The following IFTAP variants were observed in gnomAD, a reference collection of about 807,000 sequenced individuals.
The protein encoded by IFTAP is intraflagellar transport-associated protein.
A neutral mutation model predicts 19.4 loss-of-function variants in IFTAP; 19 were observed. The ratio of observed to expected loss-of-function variants is 0.98; its 90% CI spans 0.68 to 1.44. IFTAP has a LOEUF of 1.44. IFTAP is among the 40% of genes most tolerant of loss of function. IFTAP has a pLI of 0.00. For synonymous variants in IFTAP, 85 were observed against 83.5 expected (o/e 1.02, Z -0.10); for missense variants, 240 against 253.6 (o/e 0.95, Z 0.36).
At chr11:36,628,179 G>A (rs1022366977) in intron 2 of IFTAP, among the ~76,000 whole-genome samples, 1 of 150,834 alleles carries the variant, frequency 6.6e-6, no homozygotes, top group African/African-American at 2.5e-5. Flanking sequence ...GACTCCCCAG[G>A]ATGTAGGTCA....
chr11:36,613,356 T>C (rs188143206), intron 2 of IFTAP, among the ~76,000 whole-genome samples: 2 of 152,100 alleles, frequency 1.3e-5, no homozygotes, highest in Non-Finnish European at 2.9e-5. Context: ...TTCTAGGTTA[T>C]AGAAACACTG....
intron 5 of IFTAP, among the ~76,000 whole-genome samples, chr11:36,650,889 CATT>C (rs1355335626): frequency 3.3e-5 from 5 of 152,150 alleles, no homozygotes; most frequent in African/African-American, 9.7e-5. Context: ...ATGAACTCAT[CATT>C]TTTTATGGCT....
intron 2 of IFTAP, among the ~76,000 whole-genome samples, chr11:36,625,050 A>T (rs1199213934): frequency 6.6e-6 from 1 of 152,158 alleles, no homozygotes; most frequent in Non-Finnish European, 1.5e-5. Flanking sequence ...ATTAATATGT[A>T]TATATGTATT....
chr11:36,629,741 T>C (rs1590217791), intron 2 of IFTAP, among the ~76,000 whole-genome samples: 1 of 151,356 alleles, frequency 6.6e-6, no homozygotes, highest in South Asian at 2.1e-4. Context: ...TTAGACCCTA[T>C]AGGTGTGGTG....
At chr11:36,633,251 T>A (rs760704909) in intron 2 of IFTAP, 33 bp from the exon 3 acceptor site, 17 of 1,423,052 alleles carry the variant, frequency 1.2e-5, no homozygotes, top group Middle Eastern at 2.6e-4. Flanking sequence ...GTATTGTGGA[T>A]GTTTTCTAAT....
chr11:36,632,312 C>T (rs1463677018), intron 2 of IFTAP, among the ~76,000 whole-genome samples: 3 of 151,076 alleles, frequency 2.0e-5, no homozygotes, highest in African/African-American at 7.4e-5. Flanking sequence ...ATGGCTTAAA[C>T]TATTACCTCA....
At position 36,600,220 on chromosome 11, in the gene IFTAP, A is replaced by G. The variant is rs552752506; in HGVS notation, c.-24+5628A>G. Among the ~76,000 whole-genome samples, 4 of 152,378 alleles carry G rather than the reference A, an allele frequency of 2.6e-5. No individual in the cohort carries two copies. In the South Asian group the frequency reaches 8.3e-4, roughly 32 times the overall value. ...TATATTTATTGAGCATCTACTATGT[A>G]CAAAGCCATGTGGAGAATTAGAAAA... On this transcript the variant is annotated intron_variant, in intron 1 of 5. Coordinates refer to ENST00000334307, the MANE Select transcript of IFTAP (RefSeq NM_138787.4).
At chr11:36,643,818 C>A (rs1013996084) in intron 4 of IFTAP, among the ~76,000 whole-genome samples, 2 of 152,122 alleles carry the variant, frequency 1.3e-5, no homozygotes, top group African/African-American at 2.4e-5. Flanking sequence ...AAACTGGATC[C>A]CTTCCTTACA....
At chr11:36,622,153 A>G (rs1051091186) in intron 2 of IFTAP, among the ~76,000 whole-genome samples, 1 of 150,882 alleles carries the variant, frequency 6.6e-6, no homozygotes, top group Non-Finnish European at 1.5e-5. Flanking sequence ...TGAAAGACAT[A>G]TATAATTTAA....
At chr11:36,620,842 T>C (rs1336383453) in intron 2 of IFTAP, among the ~76,000 whole-genome samples, 3 of 150,828 alleles carry the variant, frequency 2.0e-5, no homozygotes, top group African/African-American at 7.4e-5. Flanking sequence ...ATCATTTTCT[T>C]TGATTCTTTG....
intron 5 of IFTAP, among the ~76,000 whole-genome samples, chr11:36,655,926 T>C (rs1853965480): frequency 6.6e-6 from 1 of 152,136 alleles, no homozygotes; most frequent in African/African-American, 2.4e-5. Flanking sequence ...AAGTGACTGA[T>C]GAAGAAAATC....
intron 4 of IFTAP, among the ~76,000 whole-genome samples, chr11:36,642,529 C>G (rs1853264769): frequency 6.6e-6 from 1 of 152,132 alleles, no homozygotes; most frequent in Non-Finnish European, 1.5e-5. Flanking sequence ...GATCCTGATA[C>G]CAAAGCCTGG....
intron 4 of IFTAP, among the ~76,000 whole-genome samples, chr11:36,639,508 G>A (rs1206286180): frequency 2.0e-5 from 3 of 152,178 alleles, no homozygotes; most frequent in Non-Finnish European, 2.9e-5. Flanking sequence ...TCATGGTTCT[G>A]CAGGCTGTGC....
intron 3 of IFTAP, among the ~76,000 whole-genome samples, chr11:36,635,067 G>T (rs201849393): frequency 0.012 from 1,820 of 152,248 alleles, 22 homozygotes; most frequent in East Asian, 0.031. Context: ...CTGCAGGTAT[G>T]TACTTAAAAG....
chr11:36,637,291 A>C (rs1852991683), intron 4 of IFTAP, among the ~76,000 whole-genome samples: 1 of 152,194 alleles, frequency 6.6e-6, no homozygotes, highest in Non-Finnish European at 1.5e-5. Flanking sequence ...CTACTCCGTG[A>C]AGGGATTGCT....
At chr11:36,615,825 A>T (rs574923395) in intron 2 of IFTAP, among the ~76,000 whole-genome samples, 2 of 151,484 alleles carry the variant, frequency 1.3e-5, no homozygotes, top group South Asian at 4.2e-4. Flanking sequence ...GGCTGAGACA[A>T]TGGGGTTTTC....
intron 1 of IFTAP, among the ~76,000 whole-genome samples, chr11:36,605,249 A>G (rs1851650212): frequency 1.3e-5 from 2 of 151,916 alleles, no homozygotes; most frequent in South Asian, 2.1e-4. Flanking sequence ...AGACCTGCAC[A>G]ACTCTCAGAG....
intron 4 of IFTAP, among the ~76,000 whole-genome samples, chr11:36,639,937 G>C (rs1397038949): frequency 6.6e-6 from 1 of 152,148 alleles, no homozygotes; most frequent in African/African-American, 2.4e-5. Context: ...ACTTTAAGCA[G>C]CTTTAGGCCA....
intron 2 of IFTAP, among the ~76,000 whole-genome samples, chr11:36,623,983 A>G (rs1447076134): frequency 1.3e-5 from 2 of 150,250 alleles, no homozygotes; most frequent in African/African-American, 2.5e-5. Context: ...ATATGTGTGT[A>G]TATATATGTG....
Sources: gnomAD v4.1 joint callset for allele counts (sites outside exome capture counted in the v4.1 genomes callset) on GRCh38, gnomAD v4.1.1 for gene constraint, MANE v1.5 for transcripts, NCBI Gene and HGNC (gene_info 2026-07-23, HGNC 2026-07-21) for gene names.